Variants in PRKCA observed in about 807,000 individuals in gnomAD.
The protein encoded by PRKCA is protein kinase C alpha.
A neutral mutation model predicts 87.0 loss-of-function variants in PRKCA; 27 were observed. That is an observed-to-expected ratio of 0.31 (90% confidence interval 0.23 to 0.43). The LOEUF is 0.43. Among genes scored for constraint, PRKCA ranks in the 20% least tolerant of loss-of-function variants. The probability of loss-of-function intolerance (pLI) is 1.00; values close to 1 mark genes in which losing one functional copy is unlikely to be tolerated. For synonymous variants in PRKCA, 329 were observed against 311.1 expected, an observed-to-expected ratio of 1.06 and a Z score of -0.61; for missense variants, 518 against 852.3, an observed-to-expected ratio of 0.61 and a Z score of 4.88.
At chr17:66,642,859 A>G (rs1463243710) in intron 4 of PRKCA, among the ~76,000 whole-genome samples, 1 of 152,122 alleles carries the variant, frequency 6.6e-6, no homozygotes, top group Non-Finnish European at 1.5e-5. Context: ...CCTGACCAAC[A>G]TAGCGAAACC....
intron 13 of PRKCA, among the ~76,000 whole-genome samples, chr17:66,770,375 A>T (rs975583042): frequency 6.6e-6 from 1 of 152,232 alleles, no homozygotes. Flanking sequence ...AGTTTTTCAC[A>T]ATTTTTTAAT....
chr17:66,649,725 G>A (rs926139488), intron 5 of PRKCA, among the ~76,000 whole-genome samples: 5 of 152,104 alleles, frequency 3.3e-5, no homozygotes, highest in African/African-American at 7.2e-5. Context: ...TTGAGGTCAC[G>A]GAAGGTCCAA....
At chr17:66,562,162 ATAATTAAATATATATAATT>A (rs1968726780) in intron 3 of PRKCA, among the ~76,000 whole-genome samples, 4 of 90,962 alleles carry the variant, frequency 4.4e-5, no homozygotes, top group African/African-American at 1.8e-4. Context: ...AATTATATAT[ATAATTAAATATATATAATT>A]AAGTTATATA....
At chr17:66,387,328 T>G (rs1213659193) in intron 2 of PRKCA, among the ~76,000 whole-genome samples, 1 of 152,194 alleles carries the variant, frequency 6.6e-6, no homozygotes, top group Non-Finnish European at 1.5e-5. Context: ...TGAAGCAGGT[T>G]CTGTCACAGG....
At chr17:66,731,437 G>C (rs1249939730) in intron 8 of PRKCA, among the ~76,000 whole-genome samples, 1 of 151,876 alleles carries the variant, frequency 6.6e-6, no homozygotes, top group African/African-American at 2.4e-5. Flanking sequence ...TCTAGCCAGG[G>C]ACCAGGGTCC....
chr17:66,642,196 G>A (rs928904863), intron 4 of PRKCA, among the ~76,000 whole-genome samples: 19 of 151,606 alleles, frequency 1.3e-4, no homozygotes, highest in Admixed American at 6.6e-4. Flanking sequence ...GTGGCGCGAT[G>A]TCGGCTCACT....
chr17:66,576,343 G>A (rs1969236768), intron 3 of PRKCA, among the ~76,000 whole-genome samples: 1 of 152,200 alleles, frequency 6.6e-6, no homozygotes, highest in South Asian at 2.1e-4. Flanking sequence ...ATGGTGCCTG[G>A]CAAAGCATAA....
chr17:66,380,408 A>G lies in PRKCA; in HGVS notation c.205+74281A>G, dbSNP rs549561264. Among the ~76,000 whole-genome samples the G allele has an allele frequency of 2.0e-3, 301 of 152,266 alleles. 1 individual carries two copies. The highest frequency in any genetic ancestry group is 3.0e-3 in the Non-Finnish European group (204 of 68,014). On this transcript the variant is annotated intron_variant, in intron 2 of 16. Transcript: ENST00000413366. ...TGAATAAAATAATATTAGATACCTC[A>G]TGGGGTTCTTGTGAGGATTAGAAAA...
intron 14 of PRKCA, chr17:66,775,781 A>G (rs1975033043): frequency 2.7e-5 from 27 of 983,138 alleles, no homozygotes; most frequent in Non-Finnish European, 3.3e-5. Context: ...GAATGCTTAC[A>G]ATGTGCATGG....
At chr17:66,778,788 G>C (rs2144351486) in intron 14 of PRKCA, among the ~76,000 whole-genome samples, 1 of 150,184 alleles carries the variant, frequency 6.7e-6, no homozygotes, top group Non-Finnish European at 1.5e-5. Flanking sequence ...CTAGCAGTGA[G>C]CTGTGATCAT....
intron 3 of PRKCA, among the ~76,000 whole-genome samples, chr17:66,578,464 C>G (rs8069859): frequency 0.21 from 32,044 of 152,122 alleles, 3,565 homozygotes; most frequent in African/African-American, 0.28. Context: ...ATGGTTCAAG[C>G]AGTGCACCTT....
intron 3 of PRKCA, among the ~76,000 whole-genome samples, chr17:66,624,851 T>A (rs1031518244): frequency 6.6e-5 from 10 of 151,878 alleles, no homozygotes; most frequent in Non-Finnish European, 1.2e-4. Flanking sequence ...AATAATTGCA[T>A]CATTAGAAAA....
At chr17:66,800,397 G>A (rs774039039) in intron 16 of PRKCA, among the ~76,000 whole-genome samples, 2 of 152,188 alleles carry the variant, frequency 1.3e-5, no homozygotes, top group South Asian at 2.1e-4. Flanking sequence ...GGCGGAGCAC[G>A]AGCCCTTAAC....
At chr17:66,543,681 C>T (rs1968058443) in intron 3 of PRKCA, among the ~76,000 whole-genome samples, 2 of 152,160 alleles carry the variant, frequency 1.3e-5, no homozygotes, top group Admixed American at 1.3e-4. Context: ...TACGAAGCAA[C>T]ATAGTGCTGT....
At chr17:66,721,575 CAT>C (rs1294657118) in intron 8 of PRKCA, among the ~76,000 whole-genome samples, 1 of 151,906 alleles carries the variant, frequency 6.6e-6, no homozygotes, top group Non-Finnish European at 1.5e-5. Context: ...CTTTTTAGAC[CAT>C]ACGGGGTAAC....
rs372563894 is a variant in PRKCA, at chr17:66,795,265, A to G, written c.1854+6286A>G. 9.2e-5 allele frequency among the ~76,000 whole-genome samples: 14 copies of G among 152,320 alleles called. No individual in the cohort carries two copies. In the East Asian group the frequency reaches 2.7e-3, roughly 29 times the overall value. ...ATGGCTGTGTCACAGATCAGATACC[A>G]TAGGCAGCTTGGGCCACATCTCATC... is the stretch of plus-strand genomic sequence containing the variant. On this transcript the variant is annotated intron_variant, in intron 16 of 16. Coordinates refer to ENST00000413366, the MANE Select transcript of PRKCA (RefSeq NM_002737.3).
rs569785011 is a variant in PRKCA at position 66,394,994 on chromosome 17, C to A, written c.205+88867C>A. The stretch of plus-strand genomic sequence containing the variant: ...TGGGAAAAATAATTGGAACAGGCAG[C>A]ATGACTATTTTTAGCATTATTTCAA... On this transcript the variant is annotated intron_variant, in intron 2 of 16. Transcript: ENST00000413366. 2.0e-5 allele frequency among the ~76,000 whole-genome samples: 3 copies of A among 152,332 alleles called. No individual in the cohort carries two copies. In the East Asian group the frequency reaches 5.8e-4, roughly 29 times the overall value.
chr17:66,554,512 C>A, intron 3 of PRKCA: 1 of 948,718 alleles, frequency 1.1e-6, no homozygotes. Flanking sequence ...ATTTCTATTA[C>A]CTACAGCTCT....
At chr17:66,548,555 C>T (rs1968220300) in intron 3 of PRKCA, among the ~76,000 whole-genome samples, 1 of 152,160 alleles carries the variant, frequency 6.6e-6, no homozygotes, top group Non-Finnish European at 1.5e-5. Context: ...GATAGGTGAT[C>T]TGGTGTCCTG....
Sources: allele counts gnomAD v4.1 joint callset (sites outside exome capture counted in the v4.1 genomes callset), GRCh38; gene constraint gnomAD v4.1.1; transcripts MANE v1.5; gene names NCBI Gene and HGNC (gene_info 2026-07-23, HGNC 2026-07-21).